NELL2: variants seen among roughly 807,000 people sequenced by gnomAD.
NELL2 encodes neural EGFL like 2.
In NELL2, 41 loss-of-function variants were observed where a neutral mutation model predicts 109.6. That is an observed-to-expected ratio of 0.37 (90% confidence interval 0.29 to 0.49). The LOEUF (loss-of-function observed/expected upper bound fraction) is 0.49, where lower values mean the gene tolerates loss of function less well. Ranked by LOEUF, NELL2 falls within the 20% of genes least tolerant of loss-of-function variation. NELL2 has a pLI of 0.98. For synonymous variants in NELL2, 355 were observed against 344.7 expected, an observed-to-expected ratio of 1.03 and a Z score of -0.33; for missense variants, 900 against 1,008.3, an observed-to-expected ratio of 0.89 and a Z score of 1.45.
chr12:44,788,343 C>T (rs1449173672), intron 3 of NELL2, among the ~76,000 whole-genome samples: 1 of 152,166 alleles, frequency 6.6e-6, no homozygotes, highest in African/African-American at 2.4e-5. Context: ...CTGAGTGCTC[C>T]AACTGTGGAA....
chr12:44,649,218 C>CTCCCTCCT (rs1430597573), intron 13 of NELL2, among the ~76,000 whole-genome samples: 2 of 151,876 alleles, frequency 1.3e-5, no homozygotes, highest in African/African-American at 4.8e-5. Context: ...CCCTCCCTCC[C>CTCCCTCCT]TCCCTCCTTC....
chr12:44,644,598 ATATATG>A (rs1319855977), intron 13 of NELL2, among the ~76,000 whole-genome samples: 6 of 99,474 alleles, frequency 6.0e-5, no homozygotes, highest in Admixed American at 1.0e-4. Context: ...ATATATATAT[ATATATG>A]TATGTATATA....
At chr12:44,731,003 G>A (rs899207143) in intron 9 of NELL2, among the ~76,000 whole-genome samples, 3 of 151,978 alleles carry the variant, frequency 2.0e-5, no homozygotes, top group Non-Finnish European at 4.4e-5. Flanking sequence ...TATAACACCA[G>A]TAAATTGGAT....
At chr12:44,612,134 T>C (rs997936776) in intron 13 of NELL2, among the ~76,000 whole-genome samples, 1 of 152,048 alleles carries the variant, frequency 6.6e-6, no homozygotes, top group African/African-American at 2.4e-5. Context: ...TAACTTGTCT[T>C]TGGCATAATA....
chr12:44,566,850 C>T lies in NELL2; in HGVS notation c.1664-34129G>A, dbSNP rs566178790. 1.1e-4 allele frequency among the ~76,000 whole-genome samples: 17 copies of T among 151,378 alleles called. No homozygotes were observed. In the South Asian group the frequency reaches 3.5e-3, roughly 32 times the overall value. On this transcript the variant is annotated intron_variant, in intron 15 of 19. Coordinates refer to ENST00000429094, the MANE Select transcript of NELL2 (RefSeq NM_001145108.2). Reference sequence around the variant, plus strand: ...TTTTTTTTTTAGATGGAGTCTCTGTCGCCCAGGCTGCAGTGCAATGGCATG... The same window carrying T: ...TTTTTTTTTTAGATGGAGTCTCTGTTGCCCAGGCTGCAGTGCAATGGCATG...
intron 1 of NELL2, among the ~76,000 whole-genome samples, chr12:44,908,225 G>A (rs1458431557): frequency 3.3e-5 from 5 of 151,954 alleles, no homozygotes; most frequent in South Asian, 2.1e-4. Context: ...GAAGCTATGT[G>A]GTATAGATAA....
chr12:44,685,745 C>T (rs1378243096), intron 12 of NELL2, among the ~76,000 whole-genome samples: 1 of 152,096 alleles, frequency 6.6e-6, no homozygotes, highest in East Asian at 1.9e-4. Flanking sequence ...ATATTGGCCC[C>T]CACTCTCTTC....
intron 13 of NELL2, among the ~76,000 whole-genome samples, chr12:44,653,856 GT>G (rs1947390584): frequency 6.6e-6 from 1 of 152,280 alleles, no homozygotes; most frequent in African/African-American, 2.4e-5. Context: ...TGTCAGAAAT[GT>G]TTCAGAAACC....
intron 11 of NELL2, among the ~76,000 whole-genome samples, chr12:44,707,531 C>T (rs992065901): frequency 6.6e-6 from 1 of 151,988 alleles, no homozygotes; most frequent in Non-Finnish European, 1.5e-5. Context: ...ATTTTTTTGC[C>T]ATGAAACTTG....
chr12:44,768,678 CA>C (rs1258110226), intron 9 of NELL2, among the ~76,000 whole-genome samples: 8 of 152,288 alleles, frequency 5.3e-5, no homozygotes, highest in Non-Finnish European at 4.4e-5. Flanking sequence ...TTATTCACTA[CA>C]GACTTTCAAG....
In NELL2 at chr12:44,593,009, T is replaced by TGCA. The variant is rs1944815877; in HGVS notation, c.1663+14159_1663+14160insTGC. ...CTCTGCTACAAACTGTTTGTATGGG[T>TGCA]GTTGCTTTGAGGGGAATGAAGGAAA... On this transcript the variant is annotated intron_variant, in intron 15 of 19. Transcript: ENST00000429094. 2.0e-5 allele frequency among the ~76,000 whole-genome samples: 3 copies of TGCA among 152,284 alleles called. No homozygotes were observed. The South Asian group carries it at 6.2e-4, about 32-fold the overall frequency.
chr12:44,875,762 G>T, intron 1 of NELL2, 53 bp downstream of exon 1: 1 of 1,611,732 alleles, frequency 6.2e-7, no homozygotes, highest in Non-Finnish European at 8.5e-7. Context: ...AGCCCATGCT[G>T]CCCCGAGGCG....
At chr12:44,872,327 G>C (rs754221578) in intron 2 of NELL2, among the ~76,000 whole-genome samples, 8 of 152,050 alleles carry the variant, frequency 5.3e-5, no homozygotes, top group Non-Finnish European at 8.8e-5. Context: ...ATTTATTAAG[G>C]TGTAATCTAA....
At chr12:44,757,065 G>A (rs1210519108) in intron 9 of NELL2, among the ~76,000 whole-genome samples, 1 of 152,122 alleles carries the variant, frequency 6.6e-6, no homozygotes, top group Non-Finnish European at 1.5e-5. Context: ...TCAATAAATA[G>A]TATAATCATC....
intron 9 of NELL2, among the ~76,000 whole-genome samples, chr12:44,726,704 ATTTAAC>A (rs1939100532): frequency 6.6e-6 from 1 of 152,180 alleles, no homozygotes; most frequent in Non-Finnish European, 1.5e-5. Context: ...TTTAAAATAA[ATTTAAC>A]TTTAAAATGA....
At chr12:44,551,585 T>C (rs1943046719) in intron 15 of NELL2, among the ~76,000 whole-genome samples, 1 of 152,110 alleles carries the variant, frequency 6.6e-6, no homozygotes, top group Non-Finnish European at 1.5e-5. Context: ...AAGTGCCTTC[T>C]CCCCCTTCTT....
chr12:44,800,397 G>C (rs1383884588), intron 3 of NELL2, among the ~76,000 whole-genome samples: 1 of 152,124 alleles, frequency 6.6e-6, no homozygotes, highest in African/African-American at 2.4e-5. Context: ...GAGTCCCCAA[G>C]AGAATACACT....
chr12:44,909,657 T>C (rs1256679511), intron 1 of NELL2, among the ~76,000 whole-genome samples: 1 of 151,572 alleles, frequency 6.6e-6, no homozygotes, highest in Non-Finnish European at 1.5e-5. Flanking sequence ...AGAACAATGT[T>C]AGAGGTATTA....
chr12:44,918,159 G>A (rs1261200535), upstream of NELL2, among the ~76,000 whole-genome samples: 2 of 152,172 alleles, frequency 1.3e-5, no homozygotes, highest in African/African-American at 4.8e-5. Context: ...GAAAGCATCA[G>A]TGGATATTAA....
Sources: allele counts gnomAD v4.1 joint callset (sites outside exome capture counted in the v4.1 genomes callset), GRCh38; gene constraint gnomAD v4.1.1; transcripts MANE v1.5; gene names NCBI Gene and HGNC (gene_info 2026-07-23, HGNC 2026-07-21).